The following CNTNAP5 variants were observed in gnomAD, a reference collection of about 807,000 sequenced individuals.
CNTNAP5 encodes contactin-associated protein-like 5.
CNTNAP5 carries 72 observed loss-of-function variants against 150.2 expected under a neutral mutation model. That is an observed-to-expected ratio of 0.48 (90% CI 0.40 to 0.58). The LOEUF (loss-of-function observed/expected upper bound fraction) is 0.58. Among genes scored for constraint, CNTNAP5 ranks in the 20% least tolerant of loss-of-function variants. The pLI is 0.00. For missense variants in CNTNAP5, 1,636 were observed against 1,626.2 expected (o/e 1.01, Z -0.10); for synonymous variants, 672 against 619.8 (o/e 1.08, Z -1.25).
At chr2:124,584,399 C>T (rs9308652) in intron 11 of CNTNAP5, among the ~76,000 whole-genome samples, 1,806 of 152,152 alleles carry the variant, frequency 0.012, 36 homozygotes, top group African/African-American at 0.041. Context: ...AGAATTACAA[C>T]GTGATTTGTA....
intron 12 of CNTNAP5, among the ~76,000 whole-genome samples, chr2:124,623,210 T>C (rs1485385312): frequency 6.6e-6 from 1 of 152,176 alleles, no homozygotes; most frequent in East Asian, 1.9e-4. Flanking sequence ...TCACAGACTT[T>C]ATAATCTCAT....
intron 13 of CNTNAP5, among the ~76,000 whole-genome samples, chr2:124,709,726 C>T (rs1398775954): frequency 1.3e-5 from 2 of 152,036 alleles, no homozygotes; most frequent in Non-Finnish European, 2.9e-5. Context: ...GCACATCAAA[C>T]AAAGATAAAT....
At chr2:124,592,199 T>C (rs1203075059) in intron 11 of CNTNAP5, among the ~76,000 whole-genome samples, 1 of 152,118 alleles carries the variant, frequency 6.6e-6, no homozygotes, top group African/African-American at 2.4e-5. Flanking sequence ...ACATCTTTTT[T>C]CCCCCATTTT....
At chr2:124,892,591 CG>C in intron 21 of CNTNAP5, among the ~76,000 whole-genome samples, 1 of 152,152 alleles carries the variant, frequency 6.6e-6, no homozygotes, top group East Asian at 1.9e-4. Flanking sequence ...CTGAGCTGGG[CG>C]GGAGGTTTTC....
chr2:124,566,138 G>GA (rs574169816), intron 11 of CNTNAP5, among the ~76,000 whole-genome samples: 19,415 of 152,106 alleles, frequency 0.13, 1,511 homozygotes, highest in East Asian at 0.26. Flanking sequence ...AAATGTTGCA[G>GA]GACCCCCATA....
chr2:124,812,706 C>T (rs951955308), intron 19 of CNTNAP5, among the ~76,000 whole-genome samples: 1 of 152,066 alleles, frequency 6.6e-6, no homozygotes, highest in African/African-American at 2.4e-5. Flanking sequence ...TACCTATAAC[C>T]TGGAAGCCCC....
At chr2:124,318,528 A>G (rs896133535) in intron 3 of CNTNAP5, among the ~76,000 whole-genome samples, 1 of 152,180 alleles carries the variant, frequency 6.6e-6, no homozygotes, top group Admixed American at 6.5e-5. Context: ...AGGCTTTATC[A>G]TTTTTAAGGA....
At chr2:124,326,391 G>A (rs552636986) in intron 3 of CNTNAP5, among the ~76,000 whole-genome samples, 6 of 152,270 alleles carry the variant, frequency 3.9e-5, no homozygotes, top group South Asian at 2.1e-4. Flanking sequence ...TGTGATAGTC[G>A]TGGGCAGAAA....
At chr2:124,702,500 C>T (rs976070841) in intron 13 of CNTNAP5, among the ~76,000 whole-genome samples, 1 of 150,942 alleles carries the variant, frequency 6.6e-6, no homozygotes, top group Admixed American at 6.7e-5. Flanking sequence ...ACATTGCTTT[C>T]CCCCTAAGAC....
At chr2:124,776,281 C>T (rs1235131788) in intron 17 of CNTNAP5, among the ~76,000 whole-genome samples, 1 of 147,178 alleles carries the variant, frequency 6.8e-6, no homozygotes, top group Non-Finnish European at 1.5e-5. Context: ...TTCCCATGGG[C>T]CTATTTTTTT....
intron 19 of CNTNAP5, among the ~76,000 whole-genome samples, chr2:124,834,619 C>T (rs1334469767): frequency 6.6e-6 from 1 of 152,052 alleles, no homozygotes; most frequent in Non-Finnish European, 1.5e-5. Context: ...AGTAACAGGA[C>T]AGTGAGCTCT....
intron 1 of CNTNAP5, among the ~76,000 whole-genome samples, chr2:124,077,862 CTG>C (rs1558747292): frequency 6.6e-6 from 1 of 152,168 alleles, no homozygotes; most frequent in Non-Finnish European, 1.5e-5. Flanking sequence ...GAGATTCAAA[CTG>C]AGAACTATTC....
intron 1 of CNTNAP5, among the ~76,000 whole-genome samples, chr2:124,089,407 C>T (rs951604697): frequency 6.6e-6 from 1 of 151,944 alleles, no homozygotes; most frequent in South Asian, 2.1e-4. Context: ...ATGAGGTACC[C>T]AGGTCACAGG....
chr2:124,911,648 T>A, intron 23 of CNTNAP5, 110 bp downstream of exon 23: 1 of 815,878 alleles, frequency 1.2e-6, no homozygotes. Flanking sequence ...CAGAGCCCCC[T>A]ACATTACCTG....
chr2:124,063,029 T>G (rs114928947), intron 1 of CNTNAP5, among the ~76,000 whole-genome samples: 1 of 152,136 alleles, frequency 6.6e-6, no homozygotes, highest in African/African-American at 2.4e-5. Context: ...ATTTGTTGTT[T>G]TGTTATGTTT....
intron 3 of CNTNAP5, among the ~76,000 whole-genome samples, chr2:124,346,839 G>A (rs1689747378): frequency 6.6e-6 from 1 of 151,552 alleles, no homozygotes; most frequent in Non-Finnish European, 1.5e-5. Context: ...GTGAGGCTGA[G>A]GTGGGAGGAT....
chr2:124,853,900 C>T (rs544380519), intron 19 of CNTNAP5, among the ~76,000 whole-genome samples: 98 of 152,294 alleles, frequency 6.4e-4, no homozygotes, highest in Admixed American at 1.1e-3. Flanking sequence ...CAAGTGAGAA[C>T]ATGAGGTATT....
At chr2:124,677,287 T>A (rs1234903456) in intron 13 of CNTNAP5, among the ~76,000 whole-genome samples, 3 of 152,168 alleles carry the variant, frequency 2.0e-5, no homozygotes, top group Non-Finnish European at 4.4e-5. Flanking sequence ...CTTGCTGACT[T>A]CAGGAATGAA....
intron 13 of CNTNAP5, among the ~76,000 whole-genome samples, chr2:124,725,424 T>A (rs1030907112): frequency 2.0e-5 from 3 of 151,518 alleles, no homozygotes; most frequent in Non-Finnish European, 4.4e-5. Flanking sequence ...CTCACATAGT[T>A]TCCCTCCCTT....
Sources: gnomAD v4.1 joint callset for allele counts (sites outside exome capture counted in the v4.1 genomes callset) on GRCh38, gnomAD v4.1.1 for gene constraint, MANE v1.5 for transcripts, NCBI Gene and HGNC (gene_info 2026-07-23, HGNC 2026-07-21) for gene names.